Variants in HCN1 observed in about 807,000 individuals in gnomAD.
HCN1 encodes the protein potassium/sodium hyperpolarization-activated cyclic nucleotide-gated channel 1.
HCN1 carries 13 observed loss-of-function variants against 78.9 expected under a neutral mutation model. The observed-to-expected ratio is 0.16, with a 90% CI of 0.11 to 0.26. The LOEUF (loss-of-function observed/expected upper bound fraction) is 0.26. HCN1 is among the 10% of genes least tolerant of loss of function. The pLI is 1.00. For synonymous variants in HCN1, 552 were observed against 455.5 expected (o/e 1.21, Z -2.70); for missense variants, 810 against 1,154.3 (o/e 0.70, Z 4.32).
chr5:45,497,594 G>A (rs927272036), intron 2 of HCN1, among the ~76,000 whole-genome samples: 2 of 152,082 alleles, frequency 1.3e-5, no homozygotes, highest in African/African-American at 2.4e-5. Flanking sequence ...GCCTATGTGT[G>A]TCTCTGCACG....
intron 2 of HCN1, among the ~76,000 whole-genome samples, chr5:45,612,755 T>C (rs140974778): frequency 3.8e-4 from 58 of 152,306 alleles, no homozygotes; most frequent in African/African-American, 1.3e-3. Flanking sequence ...GCCATTCTTC[T>C]TTATTATAGA....
rs1005179857 is a variant in HCN1, at chr5:45,419,866, A to G, written c.1012-23156T>C. 5.3e-5 allele frequency among the ~76,000 whole-genome samples: 8 copies of G among 152,166 alleles called. No individual in the cohort carries two copies. In the East Asian group the frequency reaches 9.6e-4, roughly 18 times the overall value. On this transcript the variant is annotated intron_variant, in intron 3 of 7. Transcript: ENST00000303230. ...CCTGATCTCCTCTTTAGTCCCCAAC[A>G]TTCCACCCACAACTTGGTAAACAGT...
intron 4 of HCN1, among the ~76,000 whole-genome samples, chr5:45,363,971 T>C (rs933872032): frequency 1.4e-4 from 22 of 152,052 alleles, no homozygotes; most frequent in African/African-American, 5.1e-4. Context: ...TCCTGATTCT[T>C]AAAGTTCTTC....
intron 1 of HCN1, among the ~76,000 whole-genome samples, chr5:45,649,441 A>G (rs1426868808): frequency 1.3e-5 from 2 of 152,142 alleles, no homozygotes; most frequent in East Asian, 3.9e-4. Flanking sequence ...CAGAGCCCAC[A>G]GTTTACATTA....
intron 2 of HCN1, among the ~76,000 whole-genome samples, chr5:45,471,434 T>A (rs1741387324): frequency 6.6e-6 from 1 of 151,952 alleles, no homozygotes; most frequent in Non-Finnish European, 1.5e-5. Flanking sequence ...TATCTCCGAA[T>A]GTGATTTTAT....
chr5:45,520,699 A>C (rs1191400333), intron 2 of HCN1, among the ~76,000 whole-genome samples: 1 of 152,058 alleles, frequency 6.6e-6, no homozygotes, highest in Non-Finnish European at 1.5e-5. Context: ...ATAAACATTC[A>C]TCTATGCATT....
chr5:45,409,885 T>C (rs1040194616), intron 3 of HCN1, among the ~76,000 whole-genome samples: 1 of 151,642 alleles, frequency 6.6e-6, no homozygotes, highest in African/African-American at 2.4e-5. Flanking sequence ...CCCAACTTTA[T>C]TCAAATCTAG....
chr5:45,352,724 T>C (rs1010113425), intron 5 of HCN1, among the ~76,000 whole-genome samples: 5 of 152,036 alleles, frequency 3.3e-5, no homozygotes, highest in Admixed American at 1.3e-4. Flanking sequence ...CAAGTCATTG[T>C]CTTATCAGGG....
intron 4 of HCN1, among the ~76,000 whole-genome samples, chr5:45,388,958 A>G (rs1337386884): frequency 6.6e-6 from 1 of 152,168 alleles, no homozygotes; most frequent in African/African-American, 2.4e-5. Flanking sequence ...AACGCCAAAG[A>G]AGACCAGGCC....
chr5:45,417,646 AC>A (rs1469376943), intron 3 of HCN1, among the ~76,000 whole-genome samples: 1 of 151,544 alleles, frequency 6.6e-6, no homozygotes, highest in African/African-American at 2.4e-5. Flanking sequence ...AATAAATATA[AC>A]AACAGGTTAT....
intron 5 of HCN1, among the ~76,000 whole-genome samples, chr5:45,304,553 G>A (rs1198945753): frequency 6.6e-6 from 1 of 152,084 alleles, no homozygotes; most frequent in Admixed American, 6.6e-5. Context: ...GTGGGTGCCT[G>A]TAATCCCAGC....
chr5:45,328,331 A>AT (rs948555714), intron 5 of HCN1, among the ~76,000 whole-genome samples: 3 of 151,374 alleles, frequency 2.0e-5, no homozygotes, highest in African/African-American at 2.4e-5. Flanking sequence ...TCAGCATATA[A>AT]TTTTTTTCTC....
At chr5:45,406,237 G>A (rs1739917113) in intron 3 of HCN1, among the ~76,000 whole-genome samples, 1 of 151,848 alleles carries the variant, frequency 6.6e-6, no homozygotes, top group South Asian at 2.1e-4. Context: ...ATATTTCTAT[G>A]GGGTACCTCT....
At chr5:45,407,580 C>T (rs1027810257) in intron 3 of HCN1, among the ~76,000 whole-genome samples, 4 of 151,982 alleles carry the variant, frequency 2.6e-5, no homozygotes, top group Non-Finnish European at 2.9e-5. Context: ...AGTGCAGTGG[C>T]GCGATCTTGG....
At chr5:45,384,989 A>G (rs1215914060) in intron 4 of HCN1, among the ~76,000 whole-genome samples, 1 of 152,192 alleles carries the variant, frequency 6.6e-6, no homozygotes, top group Admixed American at 6.5e-5. Flanking sequence ...GACTTCAAAA[A>G]ATTAAACAGA....
chr5:45,327,851 T>A (rs1746266727), intron 5 of HCN1, among the ~76,000 whole-genome samples: 1 of 151,514 alleles, frequency 6.6e-6, no homozygotes, highest in Non-Finnish European at 1.5e-5. Flanking sequence ...GAGAGAAGCC[T>A]CAGAAGAAAC....
chr5:45,262,399 T>A lies in HCN1; in HGVS notation c.2195A>T (p.Gln732Leu). Residue 732 changes from glutamine (Q) to leucine (L), a missense_variant, in exon 8 of 8, where the codon CAG (glutamine) becomes CTG (leucine). By Grantham distance (113) the Gln-to-Leu change is moderately radical (BLOSUM62 -2). Around this residue, in one of 6 missense-constraint regions of HCN1, gnomAD observed 398 missense variants for 381.3 expected, o/e 1.04. Coordinates refer to ENST00000303230, the MANE Select transcript of HCN1 (RefSeq NM_021072.4). ...CTGCTGTACCTGCTGCTGCGGCTGC[T>A]GTTGCATGAGTGACAGCTGGGAGGC... Reference protein sequence around the residue: ...PTASQLSLMQQQPQQQVQQSQ... With the variant: ...PTASQLSLMQLQPQQQVQQSQ... The A allele has an allele frequency of 1.2e-6, 2 of 1,611,806 alleles. No individual in the cohort carries two copies. Among genetic ancestry groups the A allele is most frequent in the Non-Finnish European group, 1.7e-6 (2 of 1,179,702 alleles).
At chr5:45,551,468 C>T (rs1307773903) in intron 2 of HCN1, among the ~76,000 whole-genome samples, 1 of 151,330 alleles carries the variant, frequency 6.6e-6, no homozygotes, top group African/African-American at 2.4e-5. Flanking sequence ...ACTAATAAAA[C>T]TCTCAATGTC....
intron 5 of HCN1, among the ~76,000 whole-genome samples, chr5:45,321,957 GA>G (rs781536861): frequency 2.0e-5 from 3 of 151,800 alleles, no homozygotes; most frequent in Non-Finnish European, 4.4e-5. Flanking sequence ...AGGTAAATAA[GA>G]AGCATTTCCT....
Sources: gnomAD v4.1 joint callset for allele counts (sites outside exome capture counted in the v4.1 genomes callset) on GRCh38, gnomAD v4.1.1 for gene constraint, gnomAD v4.1.1 regional missense constraint, MANE v1.5 for transcripts, NCBI Gene and HGNC (gene_info 2026-07-23, HGNC 2026-07-21) for gene names.